JAZF1: variants seen among roughly 807,000 people sequenced by gnomAD.
The protein encoded by JAZF1 is JAZF zinc finger 1, also known as juxtaposed with another zinc finger protein 1.
In JAZF1, 8 loss-of-function variants were observed where a neutral mutation model predicts 26.4. The observed-to-expected ratio is 0.30, with a 90% CI of 0.18 to 0.55. JAZF1 has a LOEUF of 0.55. Among genes scored for constraint, JAZF1 ranks in the 20% least tolerant of loss-of-function variants. JAZF1 has a pLI of 0.94. For missense variants in JAZF1, 199 were observed against 322.0 expected, an observed-to-expected ratio of 0.62 and a Z score of 2.92; for synonymous variants, 126 against 122.3, an observed-to-expected ratio of 1.03 and a Z score of -0.20.
chr7:28,015,278 A>C (rs1217550019), intron 1 of JAZF1, among the ~76,000 whole-genome samples: 1 of 152,158 alleles, frequency 6.6e-6, no homozygotes, highest in Non-Finnish European at 1.5e-5. Context: ...AGATAAGCTT[A>C]AGGAGGCATA....
At position 28,180,602 on chromosome 7, in the gene JAZF1, G is replaced by A. The variant is rs1783630005; in HGVS notation, c.-25C>T. On this transcript the variant is annotated 5_prime_UTR_variant, in exon 1 of 5. Coordinates refer to ENST00000283928, the MANE Select transcript of JAZF1 (RefSeq NM_175061.4). ...TGGTGCTACATCGAGAGCCCCCCTG[G>A]TGTCGGCTCTGCGAGCGCCGGGCGG... is the stretch of plus-strand genomic sequence containing the variant. The A allele has an allele frequency of 1.9e-6, 3 of 1,587,760 alleles. No homozygotes were observed. Among genetic ancestry groups the A allele is most frequent in the South Asian group, 1.1e-5 (1 of 89,646 alleles).
chr7:27,855,517 A>G (rs1391715201), intron 3 of JAZF1, among the ~76,000 whole-genome samples: 2 of 152,200 alleles, frequency 1.3e-5, no homozygotes, highest in Non-Finnish European at 2.9e-5. Flanking sequence ...ACAATAAAAA[A>G]TGATAAAGAG....
At chr7:28,138,277 C>T (rs1373183624) in intron 1 of JAZF1, among the ~76,000 whole-genome samples, 1 of 152,166 alleles carries the variant, frequency 6.6e-6, no homozygotes, top group Non-Finnish European at 1.5e-5. Flanking sequence ...CAGAGCCAGC[C>T]AGGTAAGACA....
At chr7:27,977,542 C>T (rs1303451574) in intron 2 of JAZF1, among the ~76,000 whole-genome samples, 1 of 152,168 alleles carries the variant, frequency 6.6e-6, no homozygotes, top group Non-Finnish European at 1.5e-5. Context: ...GGCTGGAGTG[C>T]AACATGGTTT....
intron 2 of JAZF1, among the ~76,000 whole-genome samples, chr7:27,979,366 A>ATTTTTTTTTT (rs55737757): frequency 3.4e-5 from 2 of 58,434 alleles, no homozygotes; most frequent in African/African-American, 6.6e-5. Context: ...GGTACACTAC[A>ATTTTTTTTTT]TTTTTTTTTT....
At chr7:27,927,692 T>C (rs1193023314) in intron 2 of JAZF1, among the ~76,000 whole-genome samples, 2 of 152,182 alleles carry the variant, frequency 1.3e-5, no homozygotes, top group Non-Finnish European at 2.9e-5. Context: ...AGAGATGTTT[T>C]TTATATTGCA....
chr7:27,897,754 C>T (rs1784095417), intron 2 of JAZF1, among the ~76,000 whole-genome samples: 1 of 152,204 alleles, frequency 6.6e-6, no homozygotes, highest in South Asian at 2.1e-4. Flanking sequence ...TGAGGCTCTT[C>T]TACCAGGATA....
chr7:28,045,842 G>A (rs1295718942), intron 1 of JAZF1, among the ~76,000 whole-genome samples: 1 of 152,152 alleles, frequency 6.6e-6, no homozygotes, highest in Non-Finnish European at 1.5e-5. Context: ...CCAAAGTGCT[G>A]GGATTACAGG....
chr7:27,849,752 G>GACACACACACACACACAC (rs72394231), intron 3 of JAZF1, among the ~76,000 whole-genome samples: 1,426 of 108,446 alleles, frequency 0.013, 13 homozygotes, highest in African/African-American at 0.023. Flanking sequence ...CTTACACACA[G>GACACACACACACACACAC]ACACACACAC....
intron 3 of JAZF1, among the ~76,000 whole-genome samples, chr7:27,849,774 C>CACACACACACACACACACATA (rs59861991): frequency 6.7e-6 from 1 of 150,066 alleles, no homozygotes; most frequent in Non-Finnish European, 1.5e-5. Flanking sequence ...CACACACACA[C>CACACACACACACACACACATA]CCCTACACCT....
At position 28,086,082 on chromosome 7, in the gene JAZF1, A is replaced by G. The variant is rs116769093; in HGVS notation, c.116-94101T>C. Among the ~76,000 whole-genome samples the G allele has an allele frequency of 3.5e-3, 539 of 152,326 alleles. 2 individuals are homozygous for G. The highest frequency in any genetic ancestry group is 0.012 in the African/African-American group (516 of 41,560). ...TGTATCAAATTGTGATTAATTACCA[A>G]AAGAATATTCCACTCCTAAATTATA... On this transcript the variant is annotated intron_variant, in intron 1 of 4. Coordinates refer to ENST00000283928, the MANE Select transcript of JAZF1 (RefSeq NM_175061.4).
At chr7:27,855,478 A>G (rs187258229) in intron 3 of JAZF1, among the ~76,000 whole-genome samples, 1 of 152,170 alleles carries the variant, frequency 6.6e-6, no homozygotes, top group Non-Finnish European at 1.5e-5. Context: ...AGCCAAACTA[A>G]TAAGAAAAGA....
chr7:28,064,365 AT>A, intron 1 of JAZF1, among the ~76,000 whole-genome samples: 1 of 152,218 alleles, frequency 6.6e-6, no homozygotes, highest in Non-Finnish European at 1.5e-5. Flanking sequence ...TGCTTTTTCA[AT>A]TTTTATTCCA....
At chr7:27,869,188 C>T (rs1047377636) in intron 3 of JAZF1, among the ~76,000 whole-genome samples, 4 of 152,138 alleles carry the variant, frequency 2.6e-5, no homozygotes, top group Non-Finnish European at 5.9e-5. Context: ...TGTTATTAGA[C>T]CTCTATTCAG....
intron 2 of JAZF1, among the ~76,000 whole-genome samples, chr7:27,918,454 A>T (rs1197342873): frequency 2.0e-5 from 3 of 152,216 alleles, no homozygotes; most frequent in Non-Finnish European, 4.4e-5. Flanking sequence ...CACTGACTAT[A>T]TCAGAGACTT....
intron 1 of JAZF1, among the ~76,000 whole-genome samples, chr7:28,074,976 G>T (rs1264400911): frequency 1.3e-5 from 2 of 152,122 alleles, no homozygotes; most frequent in African/African-American, 4.8e-5. Flanking sequence ...TGAAAGAAAT[G>T]AAGAGGTAAA....
chr7:28,056,460 ACACACACACACACAC>A, intron 1 of JAZF1, among the ~76,000 whole-genome samples: 1 of 148,304 alleles, frequency 6.7e-6, no homozygotes, highest in Non-Finnish European at 1.5e-5. Flanking sequence ...ACACACACAC[ACACACACACACACAC>A]AATAAGAAAG....
intron 1 of JAZF1, among the ~76,000 whole-genome samples, chr7:28,173,459 T>C (rs1303500875): frequency 6.6e-6 from 1 of 152,220 alleles, no homozygotes; most frequent in African/African-American, 2.4e-5. Context: ...GTGGTATGTG[T>C]ATTAGACATA....
At chr7:27,833,139 G>A (rs989710454) in intron 4 of JAZF1, 163 bp from the exon 5 acceptor site, 15 of 498,726 alleles carry the variant, frequency 3.0e-5, no homozygotes, top group Non-Finnish European at 5.3e-5. Context: ...ATTCTGGTGT[G>A]TCGGTCATGG....
Sources: allele counts gnomAD v4.1 joint callset (sites outside exome capture counted in the v4.1 genomes callset), GRCh38; gene constraint gnomAD v4.1.1; transcripts MANE v1.5; gene names NCBI Gene and HGNC (gene_info 2026-07-23, HGNC 2026-07-21).